The following TRIM2 variants were observed in gnomAD, a reference collection of about 807,000 sequenced individuals.
The protein encoded by TRIM2 is tripartite motif-containing protein 2.
Under a neutral mutation model 75.2 loss-of-function variants are expected in TRIM2, and 20 were observed. That is an observed-to-expected ratio of 0.27 (90% CI 0.19 to 0.39). The LOEUF is 0.39. TRIM2 is among the 10% of genes least tolerant of loss of function. The probability of loss-of-function intolerance (pLI) is 1.00; values close to 1 mark genes in which losing one functional copy is unlikely to be tolerated. For synonymous variants in TRIM2, 373 were observed against 388.3 expected (o/e 0.96, Z 0.46); for missense variants, 660 against 990.8 (o/e 0.67, Z 4.48).
intron 1 of TRIM2, among the ~76,000 whole-genome samples, chr4:153,181,822 C>T (rs746480712): frequency 6.6e-6 from 1 of 152,254 alleles, no homozygotes; most frequent in South Asian, 2.1e-4. Context: ...CTTGGCCCAG[C>T]TCATGTCTCC....
At chr4:153,252,274 C>T (rs1485234453) in intron 1 of TRIM2, among the ~76,000 whole-genome samples, 1 of 152,164 alleles carries the variant, frequency 6.6e-6, no homozygotes, top group Non-Finnish European at 1.5e-5. Flanking sequence ...TGGCTTTGTT[C>T]TACTCTGGAG....
intron 11 of TRIM2, among the ~76,000 whole-genome samples, chr4:153,330,938 T>C (rs1355296063): frequency 1.3e-5 from 2 of 152,236 alleles, no homozygotes; most frequent in African/African-American, 2.4e-5. Flanking sequence ...GATAACATGA[T>C]GTTTACATAG....
chr4:153,272,135 T>G (rs1375589245), intron 2 of TRIM2, among the ~76,000 whole-genome samples: 1 of 130,696 alleles, frequency 7.7e-6, no homozygotes, highest in Non-Finnish European at 1.5e-5. Flanking sequence ...TGAGATGATT[T>G]CCTCTTCTTT....
intron 1 of TRIM2, among the ~76,000 whole-genome samples, chr4:153,212,295 C>G (rs1316472354): frequency 2.0e-5 from 3 of 152,110 alleles, no homozygotes; most frequent in Non-Finnish European, 4.4e-5. Flanking sequence ...AACAGAAAGC[C>G]AAAAACTGCA....
chr4:153,152,394 A>G (rs1254995548), upstream of TRIM2: 2 of 46,096 alleles, frequency 4.3e-5, no homozygotes, highest in Admixed American at 5.3e-4. Flanking sequence ...CTTTTTATAC[A>G]TATATATATG....
At chr4:153,189,345 G>C (rs1043984284) in intron 1 of TRIM2, among the ~76,000 whole-genome samples, 1 of 152,218 alleles carries the variant, frequency 6.6e-6, no homozygotes, top group Non-Finnish European at 1.5e-5. Context: ...GTCTTTAAAA[G>C]CCAAAACGTA....
At position 153,317,171 on chromosome 4, in the gene TRIM2, C is replaced by T. The variant is rs141770856; in HGVS notation, c.1782+1172C>T. Among the ~76,000 whole-genome samples, 115 of 150,892 alleles carry T rather than the reference C, an allele frequency of 7.6e-4. 2 individuals carry two copies. The East Asian group carries it at 0.015, about 19-fold the overall frequency. On this transcript the variant is annotated intron_variant, in intron 8 of 11. Coordinates refer to ENST00000338700, the MANE Select transcript of TRIM2 (RefSeq NM_015271.5). ...CTGGGATTACAGGCGTGAGCCACCA[C>T]GCCTGGCCGCATTATGCCTTATATA...
At chr4:153,238,446 A>G (rs1210217182) in intron 1 of TRIM2, among the ~76,000 whole-genome samples, 1 of 152,190 alleles carries the variant, frequency 6.6e-6, no homozygotes, top group East Asian at 1.9e-4. Context: ...GACATGTAGA[A>G]TATATTGGCA....
chr4:153,228,228 G>A (rs911192929), intron 1 of TRIM2, among the ~76,000 whole-genome samples: 1 of 152,132 alleles, frequency 6.6e-6, no homozygotes, highest in African/African-American at 2.4e-5. Flanking sequence ...CTCCTTCCAA[G>A]TATGAATCAT....
At chr4:153,326,977 C>A (rs1360453222) in intron 10 of TRIM2, among the ~76,000 whole-genome samples, 1 of 65,070 alleles carries the variant, frequency 1.5e-5, no homozygotes, top group Non-Finnish European at 2.8e-5. Flanking sequence ...AAGACTCCAT[C>A]TCAAAAAAAA....
chr4:153,192,602 CA>C (rs35750080), intron 1 of TRIM2, among the ~76,000 whole-genome samples: 54,328 of 106,124 alleles, frequency 0.51, 12,430 homozygotes, highest in African/African-American at 0.63. Context: ...GACCCTATCT[CA>C]AAAAAAAAAA....
Position 153,335,638 on chromosome 4 carries a change from C to T in TRIM2, c.*672C>T. ...TTCTTTTCACCACCCCTTTGGCTCA[C>T]CTTGTATCAGCAAACAAAGTACTTC... On this transcript the variant is annotated 3_prime_UTR_variant, in exon 12 of 12. Coordinates refer to ENST00000338700, the MANE Select transcript of TRIM2 (RefSeq NM_015271.5). 1 of 985,404 alleles carries T rather than the reference C, an allele frequency of 1.0e-6. No homozygotes were observed. The highest frequency in any genetic ancestry group is 1.2e-6 in the Non-Finnish European group (1 of 829,942). The allele number at this position is 985,404 out of a possible 1,614,324, so 61.0% of individuals were successfully genotyped here.
intron 8 of TRIM2, 47 bp downstream of exon 8, chr4:153,316,046 A>C: frequency 6.7e-7 from 1 of 1,487,366 alleles, no homozygotes; most frequent in South Asian, 1.4e-5. Context: ...GAGAAGGAAC[A>C]GGAAATACAA....
chr4:153,338,865 G>A lies in TRIM2; in HGVS notation c.*3899G>A. On this transcript the variant is annotated 3_prime_UTR_variant, in exon 12 of 12. Transcript: ENST00000338700. The stretch of plus-strand genomic sequence containing the variant: ...TTGCTTTATGACATGGGAATGTTCT[G>A]TCATCAATGGAGTGTATTCTTGTAA... The A allele has an allele frequency of 1.0e-6, 1 of 985,410 alleles. No individual in the cohort carries two copies. The highest frequency in any genetic ancestry group is 1.2e-6 in the Non-Finnish European group (1 of 829,840). The allele number at this position is 985,410 out of a possible 1,614,324, so 61.0% of individuals were successfully genotyped here. A position where few individuals can be genotyped will look rare whatever the true frequency, so the allele number is the denominator to read the frequency against.
rs765997221 is a variant in TRIM2 at position 153,276,089 on chromosome 4, G to A, written c.412G>A (p.Ala138Thr). 6.2e-6 allele frequency: 10 copies of A among 1,614,244 alleles called. No homozygotes were observed. Among genetic ancestry groups the A allele is most frequent in the Non-Finnish European group, 8.5e-7 (1 of 1,180,040 alleles). Residue 138 changes from alanine (A) to threonine (T), a missense_variant, in exon 3 of 12, where the codon GCT (alanine) becomes ACT (threonine). Around this residue, in one of 2 missense-constraint regions of TRIM2, gnomAD observed 620 missense variants for 891.0 expected, o/e 0.70. Transcript: ENST00000338700. ...SSILETVTAVAAGKPLSCPNH... is the reference protein window; with the variant it reads ...SSILETVTAVTAGKPLSCPNH... ...CATCCTGGAGACAGTCACTGCTGTG[G>A]CTGCGGGAAAGCCTCTCTCTTGCCC... is the stretch of plus-strand genomic sequence containing the variant.
chr4:153,214,958 A>C (rs191297317), intron 1 of TRIM2, among the ~76,000 whole-genome samples: 256 of 152,336 alleles, frequency 1.7e-3, no homozygotes, highest in African/African-American at 5.8e-3. Context: ...TAAAGAGAAA[A>C]TCTACAACGA....
At chr4:153,313,906 G>A (rs1196853549) in intron 6 of TRIM2, among the ~76,000 whole-genome samples, 1 of 151,880 alleles carries the variant, frequency 6.6e-6, no homozygotes, top group African/African-American at 2.4e-5. Context: ...CAAAGTGCTG[G>A]GATTACAGGC....
At chr4:153,245,860 G>A (rs760561378) in intron 1 of TRIM2, among the ~76,000 whole-genome samples, 61 of 151,916 alleles carry the variant, frequency 4.0e-4, no homozygotes, top group African/African-American at 1.3e-3. Flanking sequence ...TGTATTTTTT[G>A]TAGAGACAGG....
intron 2 of TRIM2, among the ~76,000 whole-genome samples, chr4:153,272,198 G>C (rs535687630): frequency 7.9e-5 from 12 of 152,044 alleles, no homozygotes; most frequent in Non-Finnish European, 1.3e-4. Context: ...GCCCAGGCTG[G>C]AGTGCAGTGG....
Sources: gnomAD v4.1 joint callset for allele counts (sites outside exome capture counted in the v4.1 genomes callset) on GRCh38, gnomAD v4.1.1 for gene constraint, gnomAD v4.1.1 regional missense constraint, MANE v1.5 for transcripts, NCBI Gene and HGNC (gene_info 2026-07-23, HGNC 2026-07-21) for gene names.